Variants in PTPRM observed in about 807,000 individuals in gnomAD.
PTPRM encodes receptor-type tyrosine-protein phosphatase mu.
In PTPRM, 47 loss-of-function variants were observed where a neutral mutation model predicts 186.7. That is an observed-to-expected ratio of 0.25 (90% confidence interval 0.20 to 0.32). PTPRM has a LOEUF of 0.32. Among genes scored for constraint, PTPRM ranks in the 10% least tolerant of loss-of-function variants. The pLI is 1.00. For missense variants in PTPRM, 1,494 were observed against 1,865.0 expected, an observed-to-expected ratio of 0.80 and a Z score of 3.66; for synonymous variants, 668 against 674.9, an observed-to-expected ratio of 0.99 and a Z score of 0.16.
intron 1 of PTPRM, among the ~76,000 whole-genome samples, chr18:7,632,804 G>A (rs756417879): frequency 2.6e-5 from 4 of 152,200 alleles, no homozygotes; most frequent in Admixed American, 6.5e-5. Context: ...GTAGGAATTA[G>A]CATGCCTGAT....
chr18:8,250,248 C>T (rs2094515533), intron 17 of PTPRM, among the ~76,000 whole-genome samples: 1 of 151,830 alleles, frequency 6.6e-6, no homozygotes, highest in Admixed American at 6.6e-5. Context: ...GGTTGGATAG[C>T]TGGATGGATG....
At chr18:8,273,484 G>A (rs993322056) in intron 19 of PTPRM, among the ~76,000 whole-genome samples, 4 of 152,068 alleles carry the variant, frequency 2.6e-5, no homozygotes, top group African/African-American at 4.8e-5. Flanking sequence ...ACTGCCCTGG[G>A]CTCATCATTC....
At chr18:7,795,535 T>G (rs910631354) in intron 2 of PTPRM, among the ~76,000 whole-genome samples, 2 of 151,988 alleles carry the variant, frequency 1.3e-5, no homozygotes. Context: ...CGTAAACTCT[T>G]TGTTATGTCT....
intron 19 of PTPRM, among the ~76,000 whole-genome samples, chr18:8,254,635 TA>T (rs1350816297): frequency 1.1e-4 from 16 of 152,224 alleles, no homozygotes; most frequent in African/African-American, 3.9e-4. Flanking sequence ...ACCACCTGGA[TA>T]GTCTGTGAGT....
intron 14 of PTPRM, among the ~76,000 whole-genome samples, chr18:8,213,391 A>G (rs1000884221): frequency 6.6e-6 from 1 of 152,244 alleles, no homozygotes; most frequent in African/African-American, 2.4e-5. Context: ...GAAGATTCCA[A>G]TGGTTCAGAT....
chr18:8,043,798 A>G (rs2086840644), intron 7 of PTPRM, among the ~76,000 whole-genome samples: 1 of 152,176 alleles, frequency 6.6e-6, no homozygotes, highest in Non-Finnish European at 1.5e-5. Context: ...CTGGGCATTT[A>G]TAAATGAGAA....
In PTPRM at chr18:7,968,685, C is replaced by T. The variant is rs2054318842; in HGVS notation, c.1132+13271C>T. ...GTCTCTGATAAAACAGACTTTAAAC[C>T]AACAAAGATCAAGAGAGACAAAGAA... On this transcript the variant is annotated intron_variant, in intron 7 of 32. Coordinates refer to ENST00000580170, the MANE Select transcript of PTPRM (RefSeq NM_001105244.2). Among the ~76,000 whole-genome samples, 2 of 38,130 alleles carry T rather than the reference C, an allele frequency of 5.2e-5. 1 individual carries two copies. Among genetic ancestry groups the T allele is most frequent in the Admixed American group, 6.0e-4 (2 of 3,346 alleles). The allele number at this position is 38,130 out of a possible 152,430, so 25.0% of individuals were successfully genotyped here. A position where few individuals can be genotyped will look rare whatever the true frequency, so the allele number is the denominator to read the frequency against.
At chr18:8,357,481 C>T (rs142991842) in intron 23 of PTPRM, among the ~76,000 whole-genome samples, 1,575 of 152,302 alleles carry the variant, frequency 0.01, 23 homozygotes, top group African/African-American at 0.035. Flanking sequence ...ATTTCCGTGT[C>T]TTTACCTAGT....
chr18:8,240,499 GAGGAAGGA>G lies in PTPRM; in HGVS notation c.2301-3513_2301-3506del, dbSNP rs1300777583. 7.2e-3 allele frequency among the ~76,000 whole-genome samples: 97 copies of G among 13,540 alleles called. 1 individual carries two copies. The highest frequency in any genetic ancestry group is 7.7e-3 in the Admixed American group (8 of 1,038). 8.9% of individuals were successfully genotyped at this position (13,540 alleles called of 152,430 possible). ...GGAGGGGAGGAGAGAGAGAGAGAGA[GAGGAAGGA>G]AGGAAGGAAGGAAGGAAGGAAGGAA... On this transcript the variant is annotated intron_variant, in intron 14 of 32. Transcript: ENST00000580170.
At chr18:7,901,789 T>A (rs1006963034) in intron 3 of PTPRM, among the ~76,000 whole-genome samples, 1 of 152,266 alleles carries the variant, frequency 6.6e-6, no homozygotes, top group Non-Finnish European at 1.5e-5. Flanking sequence ...TAACTTCATT[T>A]AGTCGTATTT....
chr18:7,984,598 TATATACAC>T (rs1246910129), intron 7 of PTPRM, among the ~76,000 whole-genome samples: 1 of 115,112 alleles, frequency 8.7e-6, no homozygotes, highest in African/African-American at 3.6e-5. Context: ...TATATATATA[TATATACAC>T]ACACACACAC....
At chr18:7,842,930 G>GTGTGTATATATATA (rs377182615) in intron 2 of PTPRM, among the ~76,000 whole-genome samples, 25 of 100,940 alleles carry the variant, frequency 2.5e-4, no homozygotes, top group African/African-American at 1.1e-3. Context: ...GTGTGTGTGT[G>GTGTGTATATATATA]TATATATATA....
At chr18:8,352,659 T>TATG (rs2095541615) in intron 23 of PTPRM, among the ~76,000 whole-genome samples, 3 of 128,638 alleles carry the variant, frequency 2.3e-5, no homozygotes, top group Non-Finnish European at 5.0e-5. Context: ...TTTGGTTTTT[T>TATG]TTGTTTGTTT....
At chr18:7,996,942 A>G (rs2083575486) in intron 7 of PTPRM, among the ~76,000 whole-genome samples, 2 of 152,200 alleles carry the variant, frequency 1.3e-5, no homozygotes, top group African/African-American at 2.4e-5. Context: ...ATTATTAAAT[A>G]ATATTCTTAA....
intron 7 of PTPRM, among the ~76,000 whole-genome samples, chr18:7,985,933 C>T (rs2082941955): frequency 6.6e-6 from 1 of 152,036 alleles, no homozygotes; most frequent in South Asian, 2.1e-4. Context: ...TGAATGTACA[C>T]AAACCCTAAT....
intron 7 of PTPRM, among the ~76,000 whole-genome samples, chr18:7,994,542 C>T (rs746802098): frequency 4.6e-5 from 7 of 152,088 alleles, no homozygotes; most frequent in African/African-American, 9.7e-5. Flanking sequence ...CTCGTCAGCA[C>T]GTGGAATTTT....
chr18:7,682,838 G>T (rs988785144), intron 1 of PTPRM, among the ~76,000 whole-genome samples: 8 of 151,986 alleles, frequency 5.3e-5, no homozygotes, highest in Admixed American at 2.6e-4. Flanking sequence ...CTTGGGCATT[G>T]GGGGGGTGCA....
intron 2 of PTPRM, among the ~76,000 whole-genome samples, chr18:7,862,947 A>C (rs2047469433): frequency 1.3e-5 from 2 of 152,116 alleles, no homozygotes; most frequent in Non-Finnish European, 1.5e-5. Context: ...AAATACGGAC[A>C]AACTTGTAAA....
At chr18:8,206,141 A>C (rs2093924517) in intron 14 of PTPRM, among the ~76,000 whole-genome samples, 1 of 152,228 alleles carries the variant, frequency 6.6e-6, no homozygotes. Context: ...AAATGTGAAG[A>C]TGCACCAAGA....
Sources: gnomAD v4.1 joint callset for allele counts (sites outside exome capture counted in the v4.1 genomes callset) on GRCh38, gnomAD v4.1.1 for gene constraint, MANE v1.5 for transcripts, NCBI Gene and HGNC (gene_info 2026-07-23, HGNC 2026-07-21) for gene names.